The following SERPINI1 variants were observed in gnomAD, a reference collection of about 807,000 sequenced individuals.
SERPINI1 encodes the protein serpin family I member 1, also known as neuroserpin.
SERPINI1 carries 19 observed loss-of-function variants against 41.1 expected under a neutral mutation model. That is an observed-to-expected ratio of 0.46 (90% CI 0.32 to 0.68). SERPINI1 has a LOEUF of 0.68. Among genes scored for constraint, SERPINI1 ranks in the 30% least tolerant of loss-of-function variants. The pLI is 0.03. For synonymous variants in SERPINI1, 138 were observed against 156.6 expected (o/e 0.88, Z 0.89); for missense variants, 460 against 479.2 (o/e 0.96, Z 0.37).
Position 167,760,561 on chromosome 3 carries a change from T to TTGTG in SERPINI1, c.-19+24784_-19+24787dup, listed in dbSNP as rs57003321. The stretch of plus-strand genomic sequence containing the variant: ...TCAGTTCTGGAAGCCTGGCTCCAAA[T>TTGTG]TGTGTGTGTGTGTGTGTGTGTGTGT... On this transcript the variant is annotated intron_variant, in intron 1 of 8. Coordinates refer to ENST00000446050, the MANE Select transcript of SERPINI1 (RefSeq NM_001122752.2). Among the ~76,000 whole-genome samples the TTGTG allele has an allele frequency of 1.8e-3, 254 of 140,704 alleles. 1 individual carries two copies. The highest frequency in any genetic ancestry group is 7.7e-3 in the East Asian group (35 of 4,562). 92.3% of individuals were successfully genotyped at this position (140,704 alleles called of 152,430 possible).
intron 1 of SERPINI1, among the ~76,000 whole-genome samples, chr3:167,769,306 T>G (rs1726667209): frequency 6.6e-6 from 1 of 152,160 alleles, no homozygotes; most frequent in Admixed American, 6.5e-5. Context: ...TTTTGTTCTT[T>G]TAATTGCCAA....
intron 1 of SERPINI1, among the ~76,000 whole-genome samples, chr3:167,763,485 T>C (rs1726454235): frequency 1.3e-5 from 2 of 151,714 alleles, no homozygotes; most frequent in Non-Finnish European, 2.9e-5. Flanking sequence ...GCTCAAGCAA[T>C]CCCCTCACCT....
At chr3:167,762,011 A>T (rs1726398596) in intron 1 of SERPINI1, among the ~76,000 whole-genome samples, 1 of 152,176 alleles carries the variant, frequency 6.6e-6, no homozygotes, top group South Asian at 2.1e-4. Context: ...GTAGAATGCC[A>T]TGAAAAACGT....
intron 1 of SERPINI1, among the ~76,000 whole-genome samples, chr3:167,746,663 T>C (rs940753396): frequency 6.6e-6 from 1 of 152,206 alleles, no homozygotes; most frequent in Non-Finnish European, 1.5e-5. Context: ...TACAGAGCAT[T>C]ATTAGACACT....
intron 6 of SERPINI1, among the ~76,000 whole-genome samples, chr3:167,811,688 AT>A (rs200032490): frequency 6.7e-6 from 1 of 149,050 alleles, no homozygotes; most frequent in Non-Finnish European, 1.5e-5. Context: ...TTTAATTAAA[AT>A]TGTTACTTAA....
chr3:167,760,588 TG>T (rs1471941056), intron 1 of SERPINI1, among the ~76,000 whole-genome samples: 1 of 151,214 alleles, frequency 6.6e-6, no homozygotes, highest in Non-Finnish European at 1.5e-5. Flanking sequence ...TGTGTGTGTG[TG>T]TGTGTGTGTG....
intron 6 of SERPINI1, among the ~76,000 whole-genome samples, chr3:167,811,332 A>G (rs917396865): frequency 3.3e-5 from 5 of 151,894 alleles, no homozygotes; most frequent in Non-Finnish European, 7.4e-5. Flanking sequence ...AAAATTGTCA[A>G]TAGTGAAAAG....
chr3:167,807,615 T>C (rs933270932), intron 6 of SERPINI1, among the ~76,000 whole-genome samples: 1 of 152,212 alleles, frequency 6.6e-6, no homozygotes, highest in African/African-American at 2.4e-5. Flanking sequence ...CCCCATCCCA[T>C]CTGACATAAT....
intron 1 of SERPINI1, among the ~76,000 whole-genome samples, chr3:167,762,570 G>C (rs1262323724): frequency 6.6e-6 from 1 of 152,002 alleles, no homozygotes; most frequent in Admixed American, 6.6e-5. Flanking sequence ...CTGATCTGTG[G>C]ATTAACCAGA....
chr3:167,759,615 G>C (rs1449407889), intron 1 of SERPINI1, among the ~76,000 whole-genome samples: 1 of 151,960 alleles, frequency 6.6e-6, no homozygotes, highest in Non-Finnish European at 1.5e-5. Flanking sequence ...AGACACTGGG[G>C]ACTCCAAAAC....
At chr3:167,809,728 A>G (rs1711798921) in intron 6 of SERPINI1, among the ~76,000 whole-genome samples, 2 of 152,156 alleles carry the variant, frequency 1.3e-5, no homozygotes, top group Admixed American at 6.6e-5. Flanking sequence ...GGTACCTTGT[A>G]AAAAACTGAC....
chr3:167,766,416 T>A (rs918875265), intron 1 of SERPINI1, among the ~76,000 whole-genome samples: 1 of 152,080 alleles, frequency 6.6e-6, no homozygotes, highest in African/African-American at 2.4e-5. Context: ...TTCACTATCA[T>A]GAGAACAGCC....
At chr3:167,812,469 A>G (rs905516306) in intron 6 of SERPINI1, among the ~76,000 whole-genome samples, 12 of 152,218 alleles carry the variant, frequency 7.9e-5, no homozygotes, top group East Asian at 1.9e-4. Flanking sequence ...AATATCCCCA[A>G]TTTCATCAAG....
At chr3:167,779,822 G>A (rs1306606296) in intron 1 of SERPINI1, among the ~76,000 whole-genome samples, 5 of 152,108 alleles carry the variant, frequency 3.3e-5, no homozygotes, top group Non-Finnish European at 5.9e-5. Context: ...AAAAGAGCAC[G>A]TCTCCTATTA....
intron 6 of SERPINI1, among the ~76,000 whole-genome samples, chr3:167,815,589 C>T (rs746090448): frequency 6.6e-6 from 1 of 152,066 alleles, no homozygotes; most frequent in Non-Finnish European, 1.5e-5. Flanking sequence ...GGGGTTTCAC[C>T]ATGTGGGCCA....
intron 6 of SERPINI1, among the ~76,000 whole-genome samples, chr3:167,809,078 G>A (rs1034728360): frequency 1.3e-5 from 2 of 152,152 alleles, no homozygotes; most frequent in African/African-American, 4.8e-5. Flanking sequence ...AGAGAAATGA[G>A]CTTTCCCTGA....
chr3:167,783,206 A>G (rs777914534), intron 1 of SERPINI1, among the ~76,000 whole-genome samples: 5 of 152,164 alleles, frequency 3.3e-5, no homozygotes. Flanking sequence ...AAGAACTGCC[A>G]TTGTGGCCAT....
intron 1 of SERPINI1, among the ~76,000 whole-genome samples, chr3:167,778,822 T>C (rs1417235192): frequency 6.6e-6 from 1 of 152,218 alleles, no homozygotes; most frequent in Non-Finnish European, 1.5e-5. Context: ...GAAGAGGCTA[T>C]TGTCATCATT....
At chr3:167,795,059 C>T (rs1047385207) in intron 5 of SERPINI1, among the ~76,000 whole-genome samples, 3 of 152,048 alleles carry the variant, frequency 2.0e-5, no homozygotes, top group Non-Finnish European at 4.4e-5. Flanking sequence ...TAGACACATG[C>T]TCACTTATTG....
Sources: gnomAD v4.1 joint callset for allele counts (sites outside exome capture counted in the v4.1 genomes callset) on GRCh38, gnomAD v4.1.1 for gene constraint, MANE v1.5 for transcripts, NCBI Gene and HGNC (gene_info 2026-07-23, HGNC 2026-07-21) for gene names.